The following NRG3 variants were observed in gnomAD, a reference collection of about 807,000 sequenced individuals.
NRG3 encodes pro-neuregulin-3, membrane-bound isoform.
NRG3 carries 31 observed loss-of-function variants against 66.9 expected under a neutral mutation model. That is an observed-to-expected ratio of 0.46 (90% CI 0.35 to 0.63). The LOEUF is 0.63. Among genes scored for constraint, NRG3 ranks in the 20% least tolerant of loss-of-function variants. NRG3 has a pLI of 0.00. For synonymous variants in NRG3, 393 were observed against 359.4 expected (o/e 1.09, Z -1.06); for missense variants, 910 against 878.9 (o/e 1.04, Z -0.45).
At chr10:82,600,818 T>C (rs1406388725) in intron 2 of NRG3, among the ~76,000 whole-genome samples, 2 of 152,028 alleles carry the variant, frequency 1.3e-5, no homozygotes, top group Non-Finnish European at 2.9e-5. Flanking sequence ...ATTTATGGGG[T>C]ACGTGTGCAG....
intron 2 of NRG3, among the ~76,000 whole-genome samples, chr10:82,715,473 C>A (rs1383959499): frequency 6.6e-6 from 1 of 152,116 alleles, no homozygotes; most frequent in Non-Finnish European, 1.5e-5. Flanking sequence ...AGCAATTGCA[C>A]TTTATTCTAG....
At chr10:82,341,036 C>T (rs2082660057) in intron 1 of NRG3, among the ~76,000 whole-genome samples, 1 of 151,786 alleles carries the variant, frequency 6.6e-6, no homozygotes, top group African/African-American at 2.4e-5. Flanking sequence ...AGATGGATAC[C>T]CCATTTTCCA....
chr10:82,208,546 T>C (rs577051432), intron 1 of NRG3, among the ~76,000 whole-genome samples: 1 of 152,230 alleles, frequency 6.6e-6, no homozygotes, highest in Admixed American at 6.5e-5. Context: ...AAGAGCATCC[T>C]ATAAAAGAGC....
chr10:82,641,476 A>C lies in NRG3; in HGVS notation c.954-97101A>C, dbSNP rs2050577413. On this transcript the variant is annotated intron_variant, in intron 2 of 8. Coordinates refer to ENST00000372141, the MANE Select transcript of NRG3 (RefSeq NM_001010848.4). ...AACAAGTAAAGAAACAAGCAAGTAA[A>C]GAAACAAAAAAGCAGGGTTTCTTAG... Among the ~76,000 whole-genome samples the C allele has an allele frequency of 2.0e-5, 3 of 152,206 alleles. 1 individual carries two copies. Among genetic ancestry groups the C allele is most frequent in the Admixed American group, 2.0e-4 (3 of 15,272 alleles).
chr10:82,017,880 T>G (rs1038269837), intron 1 of NRG3, among the ~76,000 whole-genome samples: 4 of 152,232 alleles, frequency 2.6e-5, no homozygotes, highest in Non-Finnish European at 4.4e-5. Flanking sequence ...TTTCTCCCAT[T>G]CTGTAGGTTG....
intron 1 of NRG3, among the ~76,000 whole-genome samples, chr10:82,151,396 T>C (rs1034212720): frequency 1.3e-5 from 2 of 152,220 alleles, no homozygotes; most frequent in Non-Finnish European, 2.9e-5. Context: ...AATCTTATTA[T>C]GTACAGAAAT....
At chr10:82,573,106 G>A (rs1180401891) in intron 2 of NRG3, among the ~76,000 whole-genome samples, 1 of 151,816 alleles carries the variant, frequency 6.6e-6, no homozygotes, top group Non-Finnish European at 1.5e-5. Context: ...TGTGACAAGA[G>A]ATTGTCTTTT....
At chr10:82,286,182 C>CAT (rs1418888288) in intron 1 of NRG3, among the ~76,000 whole-genome samples, 3 of 152,136 alleles carry the variant, frequency 2.0e-5, no homozygotes, top group Non-Finnish European at 2.9e-5. Flanking sequence ...GCTAAAAACT[C>CAT]ATAAGCTTTT....
chr10:82,710,282 T>C (rs1264605594), intron 2 of NRG3, among the ~76,000 whole-genome samples: 1 of 152,164 alleles, frequency 6.6e-6, no homozygotes, highest in Admixed American at 6.5e-5. Flanking sequence ...TCAGTATTTC[T>C]CAAGATTAAG....
At chr10:82,675,325 T>G (rs537979846) in intron 2 of NRG3, among the ~76,000 whole-genome samples, 195 of 152,088 alleles carry the variant, frequency 1.3e-3, no homozygotes, top group Middle Eastern at 3.4e-3. Context: ...TTGTTGCTGA[T>G]TGGTTGGGGG....
intron 1 of NRG3, among the ~76,000 whole-genome samples, chr10:82,291,894 A>C (rs1250261035): frequency 1.3e-5 from 2 of 152,204 alleles, no homozygotes; most frequent in African/African-American, 4.8e-5. Flanking sequence ...ACAAGAGAAA[A>C]TTTCTGGGAT....
At chr10:82,515,656 C>A (rs1280013301) in intron 2 of NRG3, among the ~76,000 whole-genome samples, 3 of 152,180 alleles carry the variant, frequency 2.0e-5, no homozygotes, top group Non-Finnish European at 2.9e-5. Flanking sequence ...CCTTCTCTTG[C>A]TTCTCCTTCT....
chr10:81,974,807 T>A (rs1233286339), intron 1 of NRG3, among the ~76,000 whole-genome samples: 1 of 152,122 alleles, frequency 6.6e-6, no homozygotes, highest in Non-Finnish European at 1.5e-5. Flanking sequence ...TCTAAGTTCC[T>A]GAAAAACAAC....
chr10:82,517,627 C>T (rs1845786248), intron 2 of NRG3, among the ~76,000 whole-genome samples: 1 of 62,434 alleles, frequency 1.6e-5, no homozygotes, highest in Admixed American at 1.8e-4. Flanking sequence ...CTCTCTCACC[C>T]CGCCCCCCCG....
chr10:81,876,550 A>G (rs959142124), intron 1 of NRG3, among the ~76,000 whole-genome samples: 7 of 152,170 alleles, frequency 4.6e-5, no homozygotes, highest in South Asian at 2.1e-4. Flanking sequence ...GCCTTCCCGA[A>G]GGCACTGAGC....
At chr10:82,754,492 G>A (rs2058998494) in intron 3 of NRG3, among the ~76,000 whole-genome samples, 1 of 150,424 alleles carries the variant, frequency 6.6e-6, no homozygotes, top group Non-Finnish European at 1.5e-5. Context: ...AAGAAGCCAG[G>A]CTACATAATG....
chr10:81,986,622 T>C (rs2060527516), intron 1 of NRG3, among the ~76,000 whole-genome samples: 1 of 152,210 alleles, frequency 6.6e-6, no homozygotes, highest in Non-Finnish European at 1.5e-5. Context: ...ACTTACCATG[T>C]CTTTTAATTA....
At chr10:82,685,137 G>T (rs557970251) in intron 2 of NRG3, among the ~76,000 whole-genome samples, 1 of 151,350 alleles carries the variant, frequency 6.6e-6, no homozygotes, top group Non-Finnish European at 1.5e-5. Context: ...ATAGACAGAG[G>T]CCCCCCCCAA....
At chr10:82,825,322 G>T (rs1591638572) in intron 3 of NRG3, among the ~76,000 whole-genome samples, 1 of 152,018 alleles carries the variant, frequency 6.6e-6, no homozygotes, top group Non-Finnish European at 1.5e-5. Flanking sequence ...TTATATCTTT[G>T]ATACATCTTG....
Sources: gnomAD v4.1 joint callset for allele counts (sites outside exome capture counted in the v4.1 genomes callset) on GRCh38, gnomAD v4.1.1 for gene constraint, MANE v1.5 for transcripts, NCBI Gene and HGNC (gene_info 2026-07-23, HGNC 2026-07-21) for gene names.